MTMR9: variants seen among roughly 807,000 people sequenced by gnomAD.
MTMR9 encodes myotubularin-related protein 9.
In MTMR9, 39 loss-of-function variants were observed where a neutral mutation model predicts 69.5. The ratio of observed to expected loss-of-function variants is 0.56; its 90% CI spans 0.43 to 0.73. The LOEUF is 0.73. Ranked by LOEUF, MTMR9 falls within the 30% of genes least tolerant of loss-of-function variation. The pLI is 0.00. For synonymous variants in MTMR9, 354 were observed against 240.8 expected, an observed-to-expected ratio of 1.47 and a Z score of -4.35; for missense variants, 900 against 671.2, an observed-to-expected ratio of 1.34 and a Z score of -3.77.
At chr8:11,334,184 T>C in the MTMR9 span, among the ~76,000 whole-genome samples, 1 of 152,222 alleles carries the variant, frequency 6.6e-6, no homozygotes, top group Non-Finnish European at 1.5e-5. Context: ...GTTTGTAGTA[T>C]TCTGTTATAG....
chr8:11,308,961 ATATACT>A (rs777531873), intron 5 of MTMR9, among the ~76,000 whole-genome samples: 2 of 152,178 alleles, frequency 1.3e-5, no homozygotes, highest in African/African-American at 4.8e-5. Context: ...GATTTGCTAC[ATATACT>A]TATATTTTCC....
chr8:11,332,300 A>G (rs1416567541), downstream of MTMR9: 1 of 1,100,586 alleles, frequency 9.1e-7, no homozygotes, highest in East Asian at 2.8e-5. Flanking sequence ...AAAATATCAC[A>G]AAGCATGCAA....
At chr8:11,296,620 T>C (rs1464738709) in intron 2 of MTMR9, among the ~76,000 whole-genome samples, 1 of 152,192 alleles carries the variant, frequency 6.6e-6, no homozygotes, top group African/African-American at 2.4e-5. Context: ...CTCATATAAG[T>C]AGAATCATAG....
intron 1 of MTMR9, among the ~76,000 whole-genome samples, chr8:11,287,904 AAC>A (rs1799234125): frequency 7.8e-6 from 1 of 127,608 alleles, no homozygotes; most frequent in Non-Finnish European, 1.6e-5. Context: ...TATTATATAT[AAC>A]ATAATATGTA....
chr8:11,314,212 T>G (rs1467556113), intron 6 of MTMR9, among the ~76,000 whole-genome samples: 1 of 152,222 alleles, frequency 6.6e-6, no homozygotes, highest in East Asian at 1.9e-4. Context: ...CAAAGTTTCC[T>G]TCATTGTTTC....
the MTMR9 span, among the ~76,000 whole-genome samples, chr8:11,337,525 A>G: frequency 6.6e-6 from 1 of 152,144 alleles, no homozygotes; most frequent in Non-Finnish European, 1.5e-5. Context: ...CTTCCTGTTC[A>G]TCAGATCCAA....
At chr8:11,311,587 C>G in intron 6 of MTMR9, among the ~76,000 whole-genome samples, 1 of 152,286 alleles carries the variant, frequency 6.6e-6, no homozygotes, top group East Asian at 1.9e-4. Context: ...TTTAAAAATA[C>G]TTTATTGGTA....
At chr8:11,322,044 A>G (rs537892668) in intron 9 of MTMR9, among the ~76,000 whole-genome samples, 1 of 152,306 alleles carries the variant, frequency 6.6e-6, no homozygotes, top group Admixed American at 6.5e-5. Context: ...TAATAAAAGG[A>G]TAATTATTAT....
chr8:11,287,893 G>A (rs1158336124), intron 1 of MTMR9, among the ~76,000 whole-genome samples: 5 of 118,354 alleles, frequency 4.2e-5, no homozygotes, highest in Non-Finnish European at 8.3e-5. Flanking sequence ...TATATAATAC[G>A]TATTATATAT....
the MTMR9 span, among the ~76,000 whole-genome samples, chr8:11,337,928 G>A: frequency 6.6e-6 from 1 of 152,194 alleles, no homozygotes; most frequent in Non-Finnish European, 1.5e-5. Context: ...CTATGACAAT[G>A]AATATAAATA....
intron 9 of MTMR9, chr8:11,321,222 C>T (rs1800671039): frequency 3.0e-6 from 1 of 338,754 alleles, no homozygotes; most frequent in African/African-American, 2.1e-5. Context: ...TCTTGAGGTT[C>T]TGGGTGTGAG....
the MTMR9 span, among the ~76,000 whole-genome samples, chr8:11,334,445 T>C: frequency 6.6e-6 from 1 of 152,164 alleles, no homozygotes; most frequent in African/African-American, 2.4e-5. Context: ...TAAGTTTAGA[T>C]TAGACTGTTT....
chr8:11,328,399 A>G (rs2736263), downstream of MTMR9, among the ~76,000 whole-genome samples: 3,571 of 151,702 alleles, frequency 0.024, 145 homozygotes, highest in African/African-American at 0.08. Context: ...TTGCTGAAAC[A>G]TCCGAGTTAG....
At chr8:11,291,306 A>G (rs1031092001) in intron 1 of MTMR9, among the ~76,000 whole-genome samples, 6 of 152,114 alleles carry the variant, frequency 3.9e-5, no homozygotes, top group African/African-American at 1.4e-4. Context: ...GTGCTGTACT[A>G]GGAGCTGAGG....
At chr8:11,298,701 G>C (rs1393774719) in intron 2 of MTMR9, 2 of 897,948 alleles carry the variant, frequency 2.2e-6, no homozygotes, top group Non-Finnish European at 2.6e-6. Flanking sequence ...TAATTGATAT[G>C]GTATCCTTTC....
chr8:11,317,785 C>T (rs1419980282), intron 8 of MTMR9: 1 of 152,224 alleles, frequency 6.6e-6, no homozygotes, highest in African/African-American at 2.4e-5. Context: ...TCAGAATGAT[C>T]TTTCAGGGAG....
chr8:11,335,932 C>T, the MTMR9 span, among the ~76,000 whole-genome samples: 8 of 152,190 alleles, frequency 5.3e-5, no homozygotes, highest in African/African-American at 1.7e-4. Flanking sequence ...AGGACTTCAA[C>T]ACGTGAAGTT....
At chr8:11,301,192 A>T (rs145470552) in intron 3 of MTMR9, among the ~76,000 whole-genome samples, 1 of 152,216 alleles carries the variant, frequency 6.6e-6, no homozygotes, top group Non-Finnish European at 1.5e-5. Context: ...TTTTATGGAA[A>T]TGCAAATTTA....
intron 6 of MTMR9, among the ~76,000 whole-genome samples, chr8:11,310,809 C>T (rs1001969156): frequency 1.6e-5 from 2 of 128,798 alleles, no homozygotes; most frequent in African/African-American, 2.5e-5. Context: ...AGTTAATCAC[C>T]ACATTTCTCA....
Sources: gnomAD v4.1 joint callset for allele counts (sites outside exome capture counted in the v4.1 genomes callset) on GRCh38, gnomAD v4.1.1 for gene constraint, MANE v1.5 for transcripts, NCBI Gene and HGNC (gene_info 2026-07-23, HGNC 2026-07-21) for gene names.